OPCML: variants seen among roughly 807,000 people sequenced by gnomAD.
OPCML encodes the protein opioid-binding protein/cell adhesion molecule.
A neutral mutation model predicts 37.8 loss-of-function variants in OPCML; 13 were observed. That is an observed-to-expected ratio of 0.34 (90% confidence interval 0.22 to 0.55). OPCML has a LOEUF of 0.55. Among genes scored for constraint, OPCML ranks in the 20% least tolerant of loss-of-function variants. The pLI is 0.91. For synonymous variants in OPCML, 176 were observed against 168.8 expected (o/e 1.04, Z -0.33); for missense variants, 341 against 435.6 (o/e 0.78, Z 1.93).
chr11:132,795,745 T>C (rs1236324561), intron 2 of OPCML, among the ~76,000 whole-genome samples: 2 of 152,242 alleles, frequency 1.3e-5, no homozygotes, highest in East Asian at 3.8e-4. Context: ...CTCCACTTCA[T>C]GAGCTAGGTG....
At chr11:132,992,713 A>T (rs1280244882) in intron 1 of OPCML, among the ~76,000 whole-genome samples, 1 of 152,206 alleles carries the variant, frequency 6.6e-6, no homozygotes, top group Non-Finnish European at 1.5e-5. Context: ...GGAGGTTATG[A>T]TTAAAGGGCA....
intron 2 of OPCML, among the ~76,000 whole-genome samples, chr11:132,876,213 T>C (rs1943004453): frequency 6.6e-6 from 1 of 152,164 alleles, no homozygotes; most frequent in South Asian, 2.1e-4. Flanking sequence ...AATCACTTCT[T>C]CCCTATAAAC....
intron 1 of OPCML, among the ~76,000 whole-genome samples, chr11:133,250,217 T>C (rs1384630745): frequency 6.6e-6 from 1 of 152,262 alleles, no homozygotes; most frequent in Non-Finnish European, 1.5e-5. Context: ...ATATAATATG[T>C]TCCCTCTTAT....
intron 1 of OPCML, among the ~76,000 whole-genome samples, chr11:132,995,340 A>G (rs1946861630): frequency 6.6e-6 from 1 of 152,164 alleles, no homozygotes; most frequent in South Asian, 2.1e-4. Flanking sequence ...TTACTCAATG[A>G]TAGTATTAGT....
chr11:132,930,428 A>T (rs1366574050), intron 2 of OPCML, among the ~76,000 whole-genome samples: 1 of 152,128 alleles, frequency 6.6e-6, no homozygotes, highest in Non-Finnish European at 1.5e-5. Flanking sequence ...AAGAAGTAAA[A>T]CTATCTCTGT....
At chr11:132,998,361 G>C (rs531423183) in intron 1 of OPCML, among the ~76,000 whole-genome samples, 1 of 152,230 alleles carries the variant, frequency 6.6e-6, no homozygotes, top group East Asian at 1.9e-4. Context: ...CTTCTCACTT[G>C]GGGGGAGCCT....
chr11:133,270,430 G>A (rs1941795373), intron 1 of OPCML, among the ~76,000 whole-genome samples: 1 of 152,076 alleles, frequency 6.6e-6, no homozygotes, highest in Non-Finnish European at 1.5e-5. Context: ...GATCCCTCTG[G>A]TCTCCTCCAA....
intron 2 of OPCML, among the ~76,000 whole-genome samples, chr11:132,672,870 G>T (rs1022886874): frequency 5.3e-5 from 8 of 152,054 alleles, no homozygotes; most frequent in African/African-American, 1.9e-4. Context: ...CCAACATATT[G>T]AGATGTTTTG....
intron 2 of OPCML, among the ~76,000 whole-genome samples, chr11:132,854,067 G>A (rs1419935167): frequency 1.3e-5 from 2 of 152,148 alleles, no homozygotes; most frequent in African/African-American, 4.8e-5. Context: ...AGGCTGTTTG[G>A]TCTGACAAAC....
chr11:132,552,080 C>G (rs1021998764), intron 3 of OPCML, among the ~76,000 whole-genome samples: 1 of 152,180 alleles, frequency 6.6e-6, no homozygotes, highest in Non-Finnish European at 1.5e-5. Flanking sequence ...TTCTCAGTCA[C>G]TAGAAGAGCT....
chr11:133,140,841 C>CGACGACGACGACGACGAAGAA (rs1949782357), intron 1 of OPCML, among the ~76,000 whole-genome samples: 1 of 5,910 alleles, frequency 1.7e-4, no homozygotes, highest in African/African-American at 2.5e-4. Flanking sequence ...ACGAAGAAGA[C>CGACGACGACGACGACGAAGAA]GACGACGACG....
At position 133,373,738 on chromosome 11, in the gene OPCML, A is replaced by T. The variant is rs140304095; in HGVS notation, c.61+158526T>A. On this transcript the variant is annotated intron_variant, in intron 1 of 7. Transcript: ENST00000524381. ...AAAAATAAGTAAGTAAAACTAAATA[A>T]ACACTATTAAATGTTCGGTGAATGT... Among the ~76,000 whole-genome samples the T allele has an allele frequency of 4.5e-3, 680 of 152,236 alleles. 3 individuals carry two copies. Among genetic ancestry groups the T allele is most frequent in the African/African-American group, 0.015 (614 of 41,560 alleles).
At chr11:132,930,617 CAAG>C (rs1045724009) in intron 2 of OPCML, among the ~76,000 whole-genome samples, 1 of 151,834 alleles carries the variant, frequency 6.6e-6, no homozygotes, top group African/African-American at 2.4e-5. Context: ...CCAATAGCAT[CAAG>C]AAGAATAAAA....
chr11:132,545,307 A>G (rs1452896048), intron 3 of OPCML, among the ~76,000 whole-genome samples: 2 of 152,262 alleles, frequency 1.3e-5, no homozygotes, highest in East Asian at 3.9e-4. Flanking sequence ...ACAATAACCA[A>G]GTTTACTTTC....
intron 2 of OPCML, among the ~76,000 whole-genome samples, chr11:132,758,070 G>T (rs1488639306): frequency 6.6e-6 from 1 of 152,098 alleles, no homozygotes; most frequent in Non-Finnish European, 1.5e-5. Context: ...TTTCCCCATT[G>T]CTTGTTTTTG....
chr11:132,470,048 T>C (rs192939053), intron 4 of OPCML, among the ~76,000 whole-genome samples: 1 of 152,144 alleles, frequency 6.6e-6, no homozygotes, highest in Non-Finnish European at 1.5e-5. Context: ...TGTTTGAATT[T>C]CATGCAAAGT....
At chr11:132,692,281 T>G (rs1412534163) in intron 2 of OPCML, among the ~76,000 whole-genome samples, 1 of 151,674 alleles carries the variant, frequency 6.6e-6, no homozygotes, top group Non-Finnish European at 1.5e-5. Flanking sequence ...GGGAGAAGGT[T>G]GGTGTGTCCA....
intron 1 of OPCML, chr11:133,065,443 C>T (rs1183590714): frequency 1.3e-5 from 2 of 152,208 alleles, no homozygotes; most frequent in African/African-American, 4.8e-5. Flanking sequence ...CAAGGCGCTG[C>T]CTGGAGACAA....
At chr11:132,857,946 G>A (rs1358571913) in intron 2 of OPCML, among the ~76,000 whole-genome samples, 1 of 152,100 alleles carries the variant, frequency 6.6e-6, no homozygotes, top group Non-Finnish European at 1.5e-5. Flanking sequence ...GGGGAGACAG[G>A]TGTGGGTGAG....
Sources: allele counts gnomAD v4.1 joint callset (sites outside exome capture counted in the v4.1 genomes callset), GRCh38; gene constraint gnomAD v4.1.1; transcripts MANE v1.5; gene names NCBI Gene and HGNC (gene_info 2026-07-23, HGNC 2026-07-21).